EFL1: variants seen among roughly 807,000 people sequenced by gnomAD.
The protein encoded by EFL1 is elongation factor like GTPase 1, also known as elongation factor-like GTPase 1.
In EFL1, 76 loss-of-function variants were observed where a neutral mutation model predicts 126.7. The ratio of observed to expected loss-of-function variants is 0.60; its 90% confidence interval spans 0.50 to 0.73. EFL1 has a LOEUF of 0.73. Among genes scored for constraint, EFL1 ranks in the 30% least tolerant of loss-of-function variants. EFL1 has a pLI of 0.00. For missense variants in EFL1, 1,128 were observed against 1,343.2 expected, an observed-to-expected ratio of 0.84 and a Z score of 2.50; for synonymous variants, 410 against 448.4, an observed-to-expected ratio of 0.91 and a Z score of 1.08.
intron 18 of EFL1, among the ~76,000 whole-genome samples, chr15:82,149,271 T>C (rs955787470): frequency 3.9e-5 from 6 of 152,162 alleles, no homozygotes; most frequent in African/African-American, 1.4e-4. Flanking sequence ...ATTAAGTGTA[T>C]AGACTCAGTA....
At chr15:82,211,527 A>G (rs2074585495) in intron 15 of EFL1, among the ~76,000 whole-genome samples, 1 of 121,228 alleles carries the variant, frequency 8.2e-6, no homozygotes, top group South Asian at 2.5e-4. Context: ...CTCTGTCTCA[A>G]AGAAAAAAAA....
intron 15 of EFL1, among the ~76,000 whole-genome samples, chr15:82,166,832 A>C (rs2074084561): frequency 6.6e-6 from 1 of 152,244 alleles, no homozygotes; most frequent in Non-Finnish European, 1.5e-5. Context: ...TTTTCTAATT[A>C]AATCATGTGA....
At chr15:82,205,124 G>A (rs2651694) in intron 15 of EFL1, among the ~76,000 whole-genome samples, 3 of 152,132 alleles carry the variant, frequency 2.0e-5, no homozygotes, top group South Asian at 2.1e-4. Flanking sequence ...ATGGTCTCAC[G>A]AGCATTTCCT....
chr15:82,209,090 T>A (rs1253760626), intron 15 of EFL1, among the ~76,000 whole-genome samples: 2 of 152,158 alleles, frequency 1.3e-5, no homozygotes, highest in African/African-American at 2.4e-5. Context: ...TTTTCACTCA[T>A]TAAAATAGAT....
At chr15:82,249,164 C>T (rs181702862) in intron 4 of EFL1, among the ~76,000 whole-genome samples, 10 of 151,958 alleles carry the variant, frequency 6.6e-5, no homozygotes, top group African/African-American at 2.4e-4. Context: ...TAAACTTGGG[C>T]CAGGTGTGGT....
intron 15 of EFL1, among the ~76,000 whole-genome samples, chr15:82,197,145 C>A (rs1205593454): frequency 6.6e-6 from 1 of 151,918 alleles, no homozygotes; most frequent in Non-Finnish European, 1.5e-5. Context: ...TTACTATTGT[C>A]ATTTTAGAAA....
At chr15:82,165,856 C>A (rs1312075903) in intron 15 of EFL1, among the ~76,000 whole-genome samples, 4 of 152,192 alleles carry the variant, frequency 2.6e-5, no homozygotes, top group African/African-American at 7.2e-5. Context: ...TGCATGGGAT[C>A]CTCTTCAGAC....
intron 17 of EFL1, among the ~76,000 whole-genome samples, chr15:82,155,353 T>A (rs1462297061): frequency 2.0e-5 from 3 of 151,934 alleles, no homozygotes; most frequent in Non-Finnish European, 4.4e-5. Context: ...AATATAAAAG[T>A]TAGCTGGGCG....
chr15:82,251,294 G>A (rs1422943001), intron 4 of EFL1, among the ~76,000 whole-genome samples: 1 of 152,170 alleles, frequency 6.6e-6, no homozygotes, highest in African/African-American at 2.4e-5. Context: ...ATAAAATAGA[G>A]TTCAGACCAT....
At chr15:82,196,282 T>C (rs2074407299) in intron 15 of EFL1, among the ~76,000 whole-genome samples, 1 of 152,200 alleles carries the variant, frequency 6.6e-6, no homozygotes, top group Non-Finnish European at 1.5e-5. Context: ...ACCCGGGTTC[T>C]AGATCAACTC....
chr15:82,254,581 G>T (rs1366668009), intron 3 of EFL1, among the ~76,000 whole-genome samples: 1 of 152,072 alleles, frequency 6.6e-6, no homozygotes, highest in African/African-American at 2.4e-5. Flanking sequence ...TTAAAAATGA[G>T]TGTGTCACTA....
chr15:82,164,094 CA>C (rs1047024232), intron 15 of EFL1, 110 bp from the exon 16 acceptor site: 9 of 1,339,904 alleles, frequency 6.7e-6, no homozygotes, highest in Non-Finnish European at 9.0e-6. Flanking sequence ...CAAATGCTTC[CA>C]AAATGTTGCA....
chr15:82,197,985 G>A lies in EFL1; in HGVS notation c.1750+16732C>T, dbSNP rs185560771. On this transcript the variant is annotated intron_variant, in intron 15 of 19. Coordinates refer to ENST00000268206, the MANE Select transcript of EFL1 (RefSeq NM_024580.6). ...CCTACAATGAGAAGTCCTGGGTTGT[G>A]TTAACGAAACTGTAGCACAGTAAAG... Among the ~76,000 whole-genome samples the A allele has an allele frequency of 2.0e-5, 3 of 152,278 alleles. No individual in the cohort carries two copies. The East Asian group carries it at 5.8e-4, about 29-fold the overall frequency.
At chr15:82,248,763 T>C (rs988435741) in intron 4 of EFL1, among the ~76,000 whole-genome samples, 4 of 152,060 alleles carry the variant, frequency 2.6e-5, no homozygotes, top group African/African-American at 4.8e-5. Flanking sequence ...CACTGCAGTG[T>C]TTTCCATATG....
chr15:82,190,761 T>C (rs1384555932), intron 15 of EFL1, among the ~76,000 whole-genome samples: 1 of 152,204 alleles, frequency 6.6e-6, no homozygotes, highest in African/African-American at 2.4e-5. Flanking sequence ...AATAGGAGCA[T>C]CTATTATACA....
At chr15:82,257,829 G>A (rs1290025469) in intron 3 of EFL1, among the ~76,000 whole-genome samples, 1 of 152,118 alleles carries the variant, frequency 6.6e-6, no homozygotes, top group Admixed American at 6.5e-5. Context: ...CAAACTTCTG[G>A]CTTCACTGAT....
intron 7 of EFL1, among the ~76,000 whole-genome samples, chr15:82,237,928 T>C (rs2074891131): frequency 6.6e-6 from 1 of 152,162 alleles, no homozygotes; most frequent in Non-Finnish European, 1.5e-5. Context: ...TATTACATAT[T>C]TTTTGGTTCC....
chr15:82,157,930 G>T, intron 16 of EFL1, 70 bp from the exon 17 acceptor site: 1 of 1,428,084 alleles, frequency 7.0e-7, no homozygotes, highest in Non-Finnish European at 9.5e-7. Flanking sequence ...AATGGCTCTG[G>T]CTACTGAAGG....
chr15:82,250,729 A>G (rs2075013283), intron 4 of EFL1, among the ~76,000 whole-genome samples: 1 of 152,088 alleles, frequency 6.6e-6, no homozygotes, highest in Non-Finnish European at 1.5e-5. Flanking sequence ...TTTTACTGAT[A>G]CGGTCTCTAG....
Sources: gnomAD v4.1 joint callset for allele counts (sites outside exome capture counted in the v4.1 genomes callset) on GRCh38, gnomAD v4.1.1 for gene constraint, MANE v1.5 for transcripts, NCBI Gene and HGNC (gene_info 2026-07-23, HGNC 2026-07-21) for gene names.